Variants in WIF1 observed in about 807,000 individuals in gnomAD.
The protein encoded by WIF1 is Wnt inhibitory factor 1.
A neutral mutation model predicts 53.5 loss-of-function variants in WIF1; 35 were observed. The observed-to-expected ratio is 0.65, with a 90% confidence interval of 0.50 to 0.87. WIF1 has a LOEUF of 0.87. Ranked by LOEUF, WIF1 falls within the 40% of genes least tolerant of loss-of-function variation. WIF1 has a pLI of 0.00. For synonymous variants in WIF1, 171 were observed against 170.4 expected, an observed-to-expected ratio of 1.00 and a Z score of -0.03; for missense variants, 467 against 476.8, an observed-to-expected ratio of 0.98 and a Z score of 0.19.
rs1309860910 is a variant in WIF1, at chr12:65,121,207, C to G, written c.-16G>C. Reference sequence around the variant, plus strand: ...TCCGGGCCATGCTGCTCAGGACCTCCTCGCTGCCGGGAAAACTCCTCGTGC... The same window carrying G: ...TCCGGGCCATGCTGCTCAGGACCTCGTCGCTGCCGGGAAAACTCCTCGTGC... On this transcript the variant is annotated 5_prime_UTR_variant, in exon 1 of 10. Coordinates refer to ENST00000286574, the MANE Select transcript of WIF1 (RefSeq NM_007191.5). The G allele has an allele frequency of 2.0e-6, 3 of 1,469,554 alleles. No individual in the cohort carries two copies. Among genetic ancestry groups the G allele is most frequent in the Non-Finnish European group, 2.7e-6 (3 of 1,105,048 alleles). 91.0% of individuals were successfully genotyped at this position (1,469,554 alleles called of 1,614,324 possible).
At chr12:65,086,860 T>C (rs1883046905) in intron 2 of WIF1, among the ~76,000 whole-genome samples, 1 of 151,950 alleles carries the variant, frequency 6.6e-6, no homozygotes, top group Admixed American at 6.6e-5. Context: ...ACCTGAGCAA[T>C]TGGCTGGGCA....
intron 2 of WIF1, among the ~76,000 whole-genome samples, chr12:65,086,658 A>G (rs373740187): frequency 1.3e-5 from 2 of 150,928 alleles, no homozygotes; most frequent in Non-Finnish European, 2.9e-5. Flanking sequence ...GGAGAGGGAG[A>G]CAGTTCTGGA....
chr12:65,053,567 C>T (rs913928981), intron 9 of WIF1, among the ~76,000 whole-genome samples: 40 of 152,252 alleles, frequency 2.6e-4, no homozygotes, highest in African/African-American at 9.4e-4. Flanking sequence ...TTGCCTTCTG[C>T]CACGATTGTA....
chr12:65,077,832 A>G lies in WIF1; in HGVS notation c.311T>C (p.Leu104Pro). ...AGQAEYFYEF[L>P]SLRSLDKGIM... ...GCCTTTATCCAGGGAGCGCAAGGACAGGAATTCATAGAAGTATTCTGCCTA... is the reference window on the plus strand; with the variant it reads ...GCCTTTATCCAGGGAGCGCAAGGACGGGAATTCATAGAAGTATTCTGCCTA... The change falls in exon 3 of 10, where the codon CTG becomes CCG. Residue 104 changes from leucine (L) to proline (P), a missense_variant. Physicochemically the swap from Leu to Pro is moderately conservative, Grantham distance 98. Coordinates refer to ENST00000286574, the MANE Select transcript of WIF1 (RefSeq NM_007191.5). 1 of 1,613,760 alleles carries G rather than the reference A, an allele frequency of 6.2e-7. No individual in the cohort carries two copies. Among genetic ancestry groups the G allele is most frequent in the East Asian group, 2.2e-5 (1 of 44,854 alleles).
intron 3 of WIF1, among the ~76,000 whole-genome samples, chr12:65,073,751 A>G: frequency 6.6e-6 from 1 of 152,194 alleles, no homozygotes; most frequent in East Asian, 1.9e-4. Context: ...CACTTCTCCT[A>G]CTGAGGGACT....
intron 7 of WIF1, among the ~76,000 whole-genome samples, chr12:65,058,876 C>A (rs1445846645): frequency 2.0e-5 from 3 of 152,040 alleles, no homozygotes; most frequent in Admixed American, 2.0e-4. Context: ...ATGGTGAAAT[C>A]CTGTCTCTAC....
chr12:65,110,880 T>G (rs1437098589), intron 2 of WIF1, among the ~76,000 whole-genome samples: 1 of 152,182 alleles, frequency 6.6e-6, no homozygotes, highest in Non-Finnish European at 1.5e-5. Context: ...AGTAGGAGAC[T>G]CAGAGTGATG....
chr12:65,053,403 G>A (rs540286699), intron 9 of WIF1, among the ~76,000 whole-genome samples: 1 of 152,280 alleles, frequency 6.6e-6, no homozygotes, highest in East Asian at 1.9e-4. Flanking sequence ...GACACCAGGT[G>A]GAGGTAATTG....
At position 65,101,226 on chromosome 12, in the gene WIF1, T is replaced by C. The variant is rs577225536; in HGVS notation, c.288+19191A>G. On this transcript the variant is annotated intron_variant, in intron 2 of 9. Transcript: ENST00000286574. ...AGTAAAAAGTTTTGCAAGTTATAAT[T>C]ACTACAAAGACAACTAGCAATATAA... Among the ~76,000 whole-genome samples, 6 of 152,306 alleles carry C rather than the reference T, an allele frequency of 3.9e-5. No homozygotes were observed. In the East Asian group the frequency reaches 1.2e-3, roughly 29 times the overall value.
intron 2 of WIF1, among the ~76,000 whole-genome samples, chr12:65,116,742 G>A (rs1297080865): frequency 6.6e-6 from 1 of 151,524 alleles, no homozygotes; most frequent in Non-Finnish European, 1.5e-5. Context: ...AGACCAGCCT[G>A]GCCAACATGG....
chr12:65,063,891 T>G (rs538070921), intron 6 of WIF1, among the ~76,000 whole-genome samples: 11 of 151,944 alleles, frequency 7.2e-5, no homozygotes, highest in African/African-American at 2.7e-4. Flanking sequence ...GTTTTGAATT[T>G]TTTCTGTATA....
At chr12:65,103,902 C>CA (rs1471497646) in intron 2 of WIF1, among the ~76,000 whole-genome samples, 3 of 152,050 alleles carry the variant, frequency 2.0e-5, no homozygotes, top group South Asian at 2.1e-4. Context: ...CCTGTCTCTA[C>CA]AAAAAAAATT....
chr12:65,070,158 A>G (rs1030268392), intron 3 of WIF1, among the ~76,000 whole-genome samples: 1 of 152,162 alleles, frequency 6.6e-6, no homozygotes, highest in African/African-American at 2.4e-5. Context: ...CAATTTCTCA[A>G]TGTGCTTTTG....
intron 2 of WIF1, among the ~76,000 whole-genome samples, chr12:65,089,803 C>T (rs1028525737): frequency 5.9e-5 from 9 of 152,196 alleles, no homozygotes; most frequent in African/African-American, 2.2e-4. Context: ...CTTTCCTGTC[C>T]CCTTCCTCAT....
chr12:65,111,543 T>A (rs1883431092), intron 2 of WIF1, among the ~76,000 whole-genome samples: 1 of 152,120 alleles, frequency 6.6e-6, no homozygotes, highest in Non-Finnish European at 1.5e-5. Context: ...CTAAAAACCA[T>A]CCCCTCTTCC....
rs769994878 is a variant in WIF1 at position 65,056,135 on chromosome 12, G to A, written c.827-9C>T. 8 of 1,612,832 alleles carry A rather than the reference G, an allele frequency of 5.0e-6. No individual in the cohort carries two copies. In the South Asian group the frequency reaches 7.7e-5, roughly 16 times the overall value. On this transcript the variant is annotated splice_polypyrimidine_tract_variant and intron_variant, in intron 7 of 9. Transcript: ENST00000286574. Reference sequence around the variant, plus strand: ...GGGTTGTGGGCATTTGCCTGAAAAAGAGAAGAATGCAGCTAAACAAGGAAC... The same window carrying A: ...GGGTTGTGGGCATTTGCCTGAAAAAAAGAAGAATGCAGCTAAACAAGGAAC...
chr12:65,118,357 C>T (rs1171358720), intron 2 of WIF1, among the ~76,000 whole-genome samples: 1 of 152,146 alleles, frequency 6.6e-6, no homozygotes, highest in African/African-American at 2.4e-5. Flanking sequence ...GTGCTGGGAT[C>T]ACATAACTTT....
At chr12:65,090,885 G>A (rs1320541591) in intron 2 of WIF1, among the ~76,000 whole-genome samples, 2 of 152,088 alleles carry the variant, frequency 1.3e-5, no homozygotes, top group African/African-American at 2.4e-5. Context: ...CCTTGACAGT[G>A]GCAGTACCCA....
intron 2 of WIF1, among the ~76,000 whole-genome samples, chr12:65,110,169 G>A (rs1156380763): frequency 1.3e-5 from 2 of 152,044 alleles, no homozygotes; most frequent in Non-Finnish European, 2.9e-5. Flanking sequence ...GGCCTAAATG[G>A]GTTCAGTGAC....
Sources: gnomAD v4.1 joint callset for allele counts (sites outside exome capture counted in the v4.1 genomes callset) on GRCh38, gnomAD v4.1.1 for gene constraint, MANE v1.5 for transcripts, NCBI Gene and HGNC (gene_info 2026-07-23, HGNC 2026-07-21) for gene names.